The following PCDHGA7 variants were observed in gnomAD, a reference collection of about 807,000 sequenced individuals.
PCDHGA7 encodes the protein protocadherin gamma subfamily A, 7.
A neutral mutation model predicts 58.3 loss-of-function variants in PCDHGA7; 44 were observed. That is an observed-to-expected ratio of 0.75 (90% CI 0.59 to 0.97). The LOEUF is 0.97. Among genes scored for constraint, PCDHGA7 ranks in the 50% least tolerant of loss-of-function variants. The pLI, the probability that PCDHGA7 is intolerant of heterozygous loss-of-function variation, is 0.00. For synonymous variants in PCDHGA7, 516 were observed against 504.2 expected (o/e 1.02, Z -0.31); for missense variants, 1,266 against 1,188.7 (o/e 1.06, Z -0.96).
At chr5:141,494,099 C>T (rs976610819) in intron 1 of PCDHGA7, among the ~76,000 whole-genome samples, 3 of 152,172 alleles carry the variant, frequency 2.0e-5, no homozygotes, top group South Asian at 2.1e-4. Context: ...CATTTTTCTC[C>T]GTCTCAGACA....
intron 1 of PCDHGA7, chr5:141,389,801 C>T: frequency 6.2e-7 from 1 of 1,613,766 alleles, no homozygotes; most frequent in South Asian, 1.1e-5. Context: ...TCCGCCAGCG[C>T]CTTCTGGTCG....
At position 141,491,134 on chromosome 5, in the gene PCDHGA7, C is replaced by T. The variant is rs1594979273; in HGVS notation, c.2425-3673C>T. Reference sequence around the variant, plus strand: ...ACACACTGGTGAGGTGCGCACAGCCCGGGCCTTACTGGAGGATGACTCTGA... The same window carrying T: ...ACACACTGGTGAGGTGCGCACAGCCTGGGCCTTACTGGAGGATGACTCTGA... On this transcript the variant is annotated intron_variant, in intron 1 of 3. Transcript: ENST00000518325. The surrounding 1 kb of genome is among the most constrained non-coding windows in gnomAD (Gnocchi z 6.9). The T allele has an allele frequency of 6.2e-7, 1 of 1,614,138 alleles. No homozygotes were observed. Among genetic ancestry groups the T allele is most frequent in the Non-Finnish European group, 8.5e-7 (1 of 1,179,994 alleles).
intron 1 of PCDHGA7, among the ~76,000 whole-genome samples, chr5:141,462,023 A>T (rs927945421): frequency 1.3e-5 from 2 of 152,112 alleles, no homozygotes; most frequent in African/African-American, 4.8e-5. Flanking sequence ...GGGTTTCTTC[A>T]TGTTGGTCAG....
chr5:141,464,578 A>G (rs2099086989), intron 1 of PCDHGA7, among the ~76,000 whole-genome samples: 1 of 152,164 alleles, frequency 6.6e-6, no homozygotes, highest in Non-Finnish European at 1.5e-5. Flanking sequence ...ATAGATGAGA[A>G]TGTCCATTGT....
At chr5:141,404,333 C>G (rs181615917) in intron 1 of PCDHGA7, 10 of 1,613,736 alleles carry the variant, frequency 6.2e-6, no homozygotes, top group Non-Finnish European at 8.5e-6. Flanking sequence ...CTCAGTCTAC[C>G]TCCCGGAAAA....
rs1243327893 is a variant in PCDHGA7, at chr5:141,491,671, C to A, written c.2425-3136C>A. 2.5e-6 allele frequency: 4 copies of A among 1,613,366 alleles called. No homozygotes were observed. Among genetic ancestry groups the A allele is most frequent in the Non-Finnish European group, 3.4e-6 (4 of 1,179,808 alleles). On this transcript the variant is annotated intron_variant, in intron 1 of 3. Coordinates refer to ENST00000518325, the MANE Select transcript of PCDHGA7 (RefSeq NM_018920.4). The surrounding 1 kb of genome is among the most constrained non-coding windows in gnomAD (Gnocchi z 6.9). Reference sequence around the variant, plus strand: ...GCTGGAGCCTGACGCCATCCGGTCCCGCTCTAATACGCTGCGGGAGCGGAG... The same window carrying A: ...GCTGGAGCCTGACGCCATCCGGTCCAGCTCTAATACGCTGCGGGAGCGGAG...
At chr5:141,415,641 T>TA (rs113784532) in intron 1 of PCDHGA7, 91,654 of 1,192,004 alleles carry the variant, frequency 0.077, 689 homozygotes, top group South Asian at 0.099. Context: ...TTACTTTTGT[T>TA]AAAAAAAAAA....
chr5:141,427,819 T>C, intron 1 of PCDHGA7: 1 of 1,531,664 alleles, frequency 6.5e-7, no homozygotes, highest in Non-Finnish European at 8.9e-7. Context: ...AGCGGGGTGG[T>C]GGTCGCGCAG....
At chr5:141,488,991 T>G in intron 1 of PCDHGA7, 1 of 414,332 alleles carries the variant, frequency 2.4e-6, no homozygotes, top group Non-Finnish European at 4.3e-6. Flanking sequence ...AGAGCTGAGG[T>G]GGGAGATCTG....
chr5:141,441,179 C>G (rs150511376), intron 1 of PCDHGA7: 13 of 152,210 alleles, frequency 8.5e-5, no homozygotes, highest in South Asian at 2.1e-4. Context: ...ACTTCTAATT[C>G]CACAATGATT....
chr5:141,410,796 G>T, intron 1 of PCDHGA7: 19 of 640,732 alleles, frequency 3.0e-5, no homozygotes, highest in South Asian at 1.4e-4. Flanking sequence ...TTCATAAGTT[G>T]CTCTATCTTT....
chr5:141,502,242 CT>C (rs989546500), intron 2 of PCDHGA7, among the ~76,000 whole-genome samples: 27 of 151,950 alleles, frequency 1.8e-4, no homozygotes, highest in African/African-American at 6.3e-4. Context: ...TTCTTTTATC[CT>C]TTTTTTTAAT....
At chr5:141,468,746 G>A (rs1298497433) in intron 1 of PCDHGA7, among the ~76,000 whole-genome samples, 1 of 151,850 alleles carries the variant, frequency 6.6e-6, no homozygotes, top group Non-Finnish European at 1.5e-5. Flanking sequence ...GGTGCCTGTA[G>A]TCCCAGCTAC....
chr5:141,458,366 GGAGAA>G (rs1437271099), intron 1 of PCDHGA7, among the ~76,000 whole-genome samples: 1 of 152,090 alleles, frequency 6.6e-6, no homozygotes, highest in African/African-American at 2.4e-5. Flanking sequence ...AAGAAGGAAG[GGAGAA>G]GAGAGAAGGA....
intron 2 of PCDHGA7, among the ~76,000 whole-genome samples, chr5:141,497,894 A>AG (rs1562181617): frequency 2.0e-5 from 3 of 152,186 alleles, no homozygotes; most frequent in Admixed American, 6.5e-5. Context: ...GATCTAGTCC[A>AG]GTAACTTCAA....
chr5:141,414,667 G>C, intron 1 of PCDHGA7: 1 of 1,614,002 alleles, frequency 6.2e-7, no homozygotes, highest in Non-Finnish European at 8.5e-7. Flanking sequence ...CCTGGCTGAA[G>C]ACACCATCCA....
intron 2 of PCDHGA7, 117 bp downstream of exon 2, chr5:141,494,982 G>T: frequency 1.3e-6 from 2 of 1,563,940 alleles, no homozygotes; most frequent in Non-Finnish European, 1.7e-6. Flanking sequence ...CTCAGTTTGA[G>T]ATCCCAGGGA....
intron 1 of PCDHGA7, chr5:141,405,178 T>C (rs769150671): frequency 3.1e-6 from 5 of 1,613,890 alleles, no homozygotes; most frequent in African/African-American, 2.7e-5. Flanking sequence ...ACTTTGTGGG[T>C]GTAGATGGGG....
intron 1 of PCDHGA7, among the ~76,000 whole-genome samples, chr5:141,434,567 C>T (rs1220152239): frequency 6.6e-6 from 1 of 152,206 alleles, no homozygotes; most frequent in East Asian, 1.9e-4. Flanking sequence ...TAAGGACATG[C>T]CCCTGCTGCA....
Sources: gnomAD v4.1 joint callset for allele counts (sites outside exome capture counted in the v4.1 genomes callset) on GRCh38, gnomAD v4.1.1 for gene constraint, Gnocchi (gnomAD v3.1) non-coding constraint, MANE v1.5 for transcripts, NCBI Gene and HGNC (gene_info 2026-07-23, HGNC 2026-07-21) for gene names.